Variants in TTL observed in about 807,000 individuals in gnomAD.
TTL encodes the protein tubulin--tyrosine ligase.
TTL carries 10 observed loss-of-function variants against 41.1 expected under a neutral mutation model. That is an observed-to-expected ratio of 0.24 (90% CI 0.15 to 0.41). The LOEUF (loss-of-function observed/expected upper bound fraction) is 0.41. TTL is among the 10% of genes least tolerant of loss of function. The pLI is 1.00. For missense variants in TTL, 367 were observed against 460.4 expected (o/e 0.80, Z 1.86); for synonymous variants, 175 against 175.5 (o/e 1.00, Z 0.02).
At chr2:112,503,703 AT>A (rs1681762379) in intron 5 of TTL, among the ~76,000 whole-genome samples, 1 of 126,982 alleles carries the variant, frequency 7.9e-6, no homozygotes, top group African/African-American at 2.9e-5. Flanking sequence ...TTTATCATAG[AT>A]TCAAAATTTT....
rs1171029113 is a variant in TTL, at chr2:112,535,931, A to G, written c.*7136A>G. ...GTAATCTTCCCACCTTAGCCACCCAAGTAGCTGGAACTATAGGTGCCTGCC... is the reference window on the plus strand; with the variant it reads ...GTAATCTTCCCACCTTAGCCACCCAGGTAGCTGGAACTATAGGTGCCTGCC... On this transcript the variant is annotated 3_prime_UTR_variant, in exon 7 of 7. Transcript: ENST00000233336. 1 of 152,174 alleles carries G rather than the reference A, an allele frequency of 6.6e-6. No homozygotes were observed. Among genetic ancestry groups the G allele is most frequent in the African/African-American group, 2.4e-5 (1 of 41,428 alleles). The allele number at this position is 152,174 out of a possible 1,614,324, so 9.4% of individuals were successfully genotyped here.
Position 112,531,035 on chromosome 2 carries a change from G to A in TTL, c.*2240G>A, listed in dbSNP as rs374586446. ...CCAGGCTGGATTGCAGTGGCTATTC[G>A]CAGTTGTAATCATAGCACACTGCAG... On this transcript the variant is annotated 3_prime_UTR_variant, in exon 7 of 7. Transcript: ENST00000233336. The A allele has an allele frequency of 9.7e-5, 19 of 195,286 alleles. 2 individuals carry two copies. Among genetic ancestry groups the A allele is most frequent in the Admixed American group, 8.5e-4 (14 of 16,424 alleles). 12.1% of individuals were successfully genotyped at this position (195,286 alleles called of 1,614,324 possible). A position where few individuals can be genotyped will look rare whatever the true frequency, so the allele number is the denominator to read the frequency against.
intron 1 of TTL, among the ~76,000 whole-genome samples, chr2:112,484,892 T>G (rs930933610): frequency 6.6e-6 from 1 of 152,260 alleles, no homozygotes. Flanking sequence ...TTGGTCTTAC[T>G]TTGATTTTGT....
chr2:112,492,715 G>C (rs1681421466), intron 2 of TTL, among the ~76,000 whole-genome samples: 1 of 150,450 alleles, frequency 6.6e-6, no homozygotes. Flanking sequence ...GGGCGACAGA[G>C]CGAGACTCCA....
intron 6 of TTL, among the ~76,000 whole-genome samples, chr2:112,527,550 C>A (rs1197728979): frequency 3.3e-5 from 5 of 151,976 alleles, no homozygotes; most frequent in Non-Finnish European, 7.4e-5. Context: ...TGAATTGATC[C>A]CTTTATCATT....
chr2:112,521,550 A>G (rs1301587736), intron 6 of TTL, among the ~76,000 whole-genome samples: 1 of 152,170 alleles, frequency 6.6e-6, no homozygotes, highest in Non-Finnish European at 1.5e-5. Flanking sequence ...CAACACACCA[A>G]AGTTGTTCTT....
intron 5 of TTL, among the ~76,000 whole-genome samples, chr2:112,518,354 G>A (rs547501093): frequency 6.6e-6 from 1 of 151,162 alleles, no homozygotes; most frequent in East Asian, 1.9e-4. Context: ...AATGTGATGT[G>A]TGCTTGTCAA....
In TTL at chr2:112,536,453, A is replaced by G. The variant is rs1682600023; in HGVS notation, c.*7658A>G. ...GATATACCATGCAAACAGTAACTCA[A>G]AGAGAAGTGGAGTAGCTATACTAAT... is the stretch of plus-strand genomic sequence containing the variant. On this transcript the variant is annotated 3_prime_UTR_variant, in exon 7 of 7. Coordinates refer to ENST00000233336, the MANE Select transcript of TTL (RefSeq NM_153712.5). 2 of 151,542 alleles carry G rather than the reference A, an allele frequency of 1.3e-5. No homozygotes were observed. Among genetic ancestry groups the G allele is most frequent in the Non-Finnish European group, 1.5e-5 (1 of 68,038 alleles). 9.4% of individuals were successfully genotyped at this position (151,542 alleles called of 1,614,324 possible).
rs1682671643 is a variant in TTL, at chr2:112,539,492, T to C, written c.*10697T>C. 6.6e-6 allele frequency: 1 copy of C among 152,164 alleles called. No individual in the cohort carries two copies. The allele number at this position is 152,164 out of a possible 1,614,324, so 9.4% of individuals were successfully genotyped here. A position where few individuals can be genotyped will look rare whatever the true frequency, so the allele number is the denominator to read the frequency against. ...AACACTCTTTCTTGGAAAAAACCTT[T>C]CAACAAACTAGAAATAAATTACTTC... On this transcript the variant is annotated 3_prime_UTR_variant, in exon 7 of 7. Transcript: ENST00000233336.
intron 1 of TTL, among the ~76,000 whole-genome samples, chr2:112,485,582 G>A (rs1474002630): frequency 1.3e-5 from 2 of 152,200 alleles, no homozygotes; most frequent in Non-Finnish European, 2.9e-5. Context: ...TATGTGTTAA[G>A]CCAGGAGCGG....
intron 3 of TTL, among the ~76,000 whole-genome samples, chr2:112,495,266 T>A (rs890351056): frequency 5.3e-5 from 8 of 152,226 alleles, no homozygotes; most frequent in Non-Finnish European, 1.2e-4. Flanking sequence ...CATTGCTTTC[T>A]TTCCCTTTCC....
chr2:112,509,718 A>T (rs972484858), intron 5 of TTL, among the ~76,000 whole-genome samples: 1 of 152,102 alleles, frequency 6.6e-6, no homozygotes, highest in Admixed American at 6.5e-5. Flanking sequence ...ACTGTCTGGC[A>T]CTCCCTAGTG....
chr2:112,528,627 T>C, intron 6 of TTL, 54 bp from the exon 7 acceptor site: 2 of 1,473,314 alleles, frequency 1.4e-6, no homozygotes, highest in Non-Finnish European at 9.5e-7. Context: ...ATCTATTTTT[T>C]TTGCTTGTAC....
chr2:112,519,267 T>G (rs1682156592), intron 5 of TTL, among the ~76,000 whole-genome samples: 1 of 152,198 alleles, frequency 6.6e-6, no homozygotes. Flanking sequence ...GCTTCCTAGG[T>G]GCCAGGAGTT....
chr2:112,533,301 A>T lies in TTL; in HGVS notation c.*4506A>T, dbSNP rs34364366. On this transcript the variant is annotated 3_prime_UTR_variant, in exon 7 of 7. Coordinates refer to ENST00000233336, the MANE Select transcript of TTL (RefSeq NM_153712.5). ...GGTGCAGGGTGCAGGGTGCAAGCAG[A>T]CATGGATCCAGGCAGGCACCTACTT... is the stretch of plus-strand genomic sequence containing the variant. 0.1 allele frequency: 15,973 copies of T among 152,410 alleles called. 1,050 individuals are homozygous for T. The highest frequency in any genetic ancestry group is 0.16 in the South Asian group (783 of 4,826). The allele number at this position is 152,410 out of a possible 1,614,324, so 9.4% of individuals were successfully genotyped here.
chr2:112,492,194 C>T (rs191962649), intron 2 of TTL, among the ~76,000 whole-genome samples: 46 of 152,226 alleles, frequency 3.0e-4, no homozygotes, highest in Admixed American at 1.0e-3. Flanking sequence ...GTGCATGCTG[C>T]GATACAACAA....
At position 112,537,100 on chromosome 2, in the gene TTL, T is replaced by G. The variant is rs562662215; in HGVS notation, c.*8305T>G. ...GTTTTTGTTTGTTTGTTTGTTTGTT[T>G]GGTGGAGTCTCTCTCTGTCACCCAG... On this transcript the variant is annotated 3_prime_UTR_variant, in exon 7 of 7. Transcript: ENST00000233336. The G allele has an allele frequency of 6.5e-6, 1 of 152,832 alleles. No individual in the cohort carries two copies. The highest frequency in any genetic ancestry group is 2.4e-5 in the African/African-American group (1 of 41,558). The allele number at this position is 152,832 out of a possible 1,614,324, so 9.5% of individuals were successfully genotyped here.
chr2:112,528,489 A>G (rs1345513180), intron 6 of TTL, among the ~76,000 whole-genome samples, 192 bp from the exon 7 acceptor site: 1 of 152,140 alleles, frequency 6.6e-6, no homozygotes, highest in South Asian at 2.1e-4. Flanking sequence ...AGTGCCAGCT[A>G]CTTGGGAGGC....
chr2:112,526,248 T>C (rs1682369481), intron 6 of TTL, among the ~76,000 whole-genome samples: 1 of 151,122 alleles, frequency 6.6e-6, no homozygotes, highest in South Asian at 2.1e-4. Context: ...TAAAATTGTC[T>C]TTTTTTTGTT....
Sources: allele counts gnomAD v4.1 joint callset (sites outside exome capture counted in the v4.1 genomes callset), GRCh38; gene constraint gnomAD v4.1.1; transcripts MANE v1.5; gene names NCBI Gene and HGNC (gene_info 2026-07-23, HGNC 2026-07-21).